AOX1: variants seen among roughly 807,000 people sequenced by gnomAD.
AOX1 encodes the protein aldehyde oxidase.
AOX1 carries 153 observed loss-of-function variants against 169.5 expected under a neutral mutation model. That is an observed-to-expected ratio of 0.90 (90% CI 0.79 to 1.03). The LOEUF is 1.03. Among genes scored for constraint, AOX1 ranks in the 50% least tolerant of loss-of-function variants. The pLI is 0.00. For missense variants in AOX1, 1,656 were observed against 1,663.9 expected (o/e 1.00, Z 0.08); for synonymous variants, 562 against 581.9 (o/e 0.97, Z 0.49).
At chr2:200,641,048 G>T in intron 23 of AOX1, 50 bp from the exon 24 acceptor site, 2 of 1,390,088 alleles carry the variant, frequency 1.4e-6, no homozygotes, top group South Asian at 1.2e-5. Context: ...GACAAAATTT[G>T]GAGAGACTTG....
intron 10 of AOX1, among the ~76,000 whole-genome samples, chr2:200,608,469 C>A (rs1311823389): frequency 6.6e-6 from 1 of 152,092 alleles, no homozygotes; most frequent in African/African-American, 2.4e-5. Context: ...TGATAAGAAG[C>A]AATAGAAATG....
chr2:200,634,164 ATTTTTTTTTTTTTT>A (rs58341876), intron 20 of AOX1, among the ~76,000 whole-genome samples: 4 of 84,968 alleles, frequency 4.7e-5, no homozygotes, highest in African/African-American at 2.0e-4. Flanking sequence ...TTTCTTGAGG[ATTTTTTTTTTTTTT>A]TTTTTTTTTT....
chr2:200,624,854 AC>A (rs1283706536), intron 19 of AOX1, among the ~76,000 whole-genome samples: 1 of 152,118 alleles, frequency 6.6e-6, no homozygotes, highest in African/African-American at 2.4e-5. Flanking sequence ...AATAGATGAG[AC>A]TCAGTCCATA....
At position 200,640,441 on chromosome 2, in the gene AOX1, G is replaced by C. The variant is rs147256198; in HGVS notation, c.2569-657G>C. On this transcript the variant is annotated intron_variant, in intron 23 of 34. Transcript: ENST00000374700. Reference sequence around the variant, plus strand: ...TGCATTCAGACATGAAGCACATGGGGTCTGAGATATGACAGTAAGTTGTAG... The same window carrying C: ...TGCATTCAGACATGAAGCACATGGGCTCTGAGATATGACAGTAAGTTGTAG... Among the ~76,000 whole-genome samples, 4 of 152,290 alleles carry C rather than the reference G, an allele frequency of 2.6e-5. No homozygotes were observed. In the East Asian group the frequency reaches 7.7e-4, roughly 29 times the overall value.
rs2035764402 is a variant in AOX1, at chr2:200,659,342, A to G, written c.3300+49A>G. ...CAAATCATTAACTCCCTCAGGGCCA[A>G]ATACGTGGGTGGGTGGAGCTCCAAA... On this transcript the variant is annotated intron_variant, in intron 28 of 34. Coordinates refer to ENST00000374700, the MANE Select transcript of AOX1 (RefSeq NM_001159.4). 1.0e-5 allele frequency: 16 copies of G among 1,583,254 alleles called. No individual in the cohort carries two copies. In the East Asian group the frequency reaches 3.6e-4, roughly 36 times the overall value.
chr2:200,611,167 G>C (rs1055997620), intron 12 of AOX1, among the ~76,000 whole-genome samples: 1 of 152,136 alleles, frequency 6.6e-6, no homozygotes, highest in Non-Finnish European at 1.5e-5. Context: ...TGTTTTTATC[G>C]ATGAGAAAGC....
chr2:200,638,732 A>G (rs1209875416), intron 23 of AOX1, among the ~76,000 whole-genome samples: 1 of 152,238 alleles, frequency 6.6e-6, no homozygotes, highest in Non-Finnish European at 1.5e-5. Flanking sequence ...ATATTTTTGT[A>G]AAATGAGGTT....
intron 25 of AOX1, among the ~76,000 whole-genome samples, chr2:200,648,563 G>T (rs1041773310): frequency 6.6e-6 from 1 of 152,196 alleles, no homozygotes; most frequent in Non-Finnish European, 1.5e-5. Context: ...GTGCTGGTTG[G>T]CCTCCTACCA....
At chr2:200,595,540 A>G (rs936456492) in intron 3 of AOX1, among the ~76,000 whole-genome samples, 172 bp downstream of exon 3, 2 of 152,228 alleles carry the variant, frequency 1.3e-5, no homozygotes, top group Non-Finnish European at 2.9e-5. Flanking sequence ...TGTTTTGGGA[A>G]AAAAATGTAG....
intron 1 of AOX1, among the ~76,000 whole-genome samples, chr2:200,588,725 G>GTTTTTTTTTTTTTTT (rs1247445142): frequency 2.4e-5 from 1 of 40,886 alleles, no homozygotes; most frequent in African/African-American, 6.9e-5. Flanking sequence ...ACTAGAATAA[G>GTTTTTTTTTTTTTTT]CTTTTTTTTT....
At position 200,599,601 on chromosome 2, in the gene AOX1, A is replaced by G; in HGVS notation, c.310-19A>G. 1 of 1,588,982 alleles carries G rather than the reference A, an allele frequency of 6.3e-7. No homozygotes were observed. Among genetic ancestry groups the G allele is most frequent in the Non-Finnish European group, 8.6e-7 (1 of 1,167,624 alleles). On this transcript the variant is annotated intron_variant, in intron 4 of 34. Coordinates refer to ENST00000374700, the MANE Select transcript of AOX1 (RefSeq NM_001159.4). The stretch of plus-strand genomic sequence containing the variant: ...ATGGGGCCCCAAATTCTGCATTTCT[A>G]ACCTTTCTGTGCTTCCAGGAGAGGA...
At chr2:200,593,283 A>G (rs1290835182) in intron 2 of AOX1, 80 bp downstream of exon 2, 24 of 1,157,654 alleles carry the variant, frequency 2.1e-5, no homozygotes, top group Admixed American at 3.5e-5. Flanking sequence ...GATATTTCAA[A>G]TATACATTAG....
rs201460922 is a variant in AOX1 at position 200,642,786 on chromosome 2, A to T, written c.2832A>T (p.Gly944=). The T allele has an allele frequency of 2.5e-5, 41 of 1,613,530 alleles. No homozygotes were observed. The highest frequency in any genetic ancestry group is 3.4e-5 in the Non-Finnish European group (40 of 1,179,724). Reference sequence around the variant, plus strand: ...TCACGGAAGTTGCAGCCAAATGTGGACTATCCCCTGAGAAGGTAATACTAA... The same window carrying T: ...TCACGGAAGTTGCAGCCAAATGTGGTCTATCCCCTGAGAAGGTAATACTAA... ...SCITEVAAKC[G]LSPEKVRIIN... Residue 944 remains glycine (G), a synonymous_variant, in exon 25 of 35, where the codon GGA becomes GGT. Transcript: ENST00000374700.
At chr2:200,627,762 T>C (rs1395601753) in intron 20 of AOX1, among the ~76,000 whole-genome samples, 4 of 152,168 alleles carry the variant, frequency 2.6e-5, no homozygotes, top group African/African-American at 7.2e-5. Context: ...TATTATTATC[T>C]CAATCTTATA....
intron 5 of AOX1, 39 bp downstream of exon 5, chr2:200,599,785 T>G: frequency 7.4e-7 from 1 of 1,352,800 alleles, no homozygotes. Context: ...TTAATTTTTA[T>G]TTATTTATTT....
At chr2:200,639,100 C>T (rs1044694718) in intron 23 of AOX1, among the ~76,000 whole-genome samples, 10 of 152,156 alleles carry the variant, frequency 6.6e-5, no homozygotes, top group Admixed American at 3.9e-4. Context: ...GCTCCATAGT[C>T]GTATTAGCTA....
intron 3 of AOX1, 119 bp downstream of exon 3, chr2:200,595,487 C>T (rs749409832): frequency 6.0e-5 from 36 of 597,064 alleles, no homozygotes; most frequent in African/African-American, 2.3e-4. Context: ...GGCCACTTGG[C>T]GTACAATGAT....
chr2:200,616,455 C>T (rs1431928049), intron 16 of AOX1, among the ~76,000 whole-genome samples: 1 of 152,224 alleles, frequency 6.6e-6, no homozygotes, highest in East Asian at 1.9e-4. Flanking sequence ...GAGGAAAAGA[C>T]ACAGCCCCTA....
At position 200,613,975 on chromosome 2, in the gene AOX1, C is replaced by G. The variant is rs369648916; in HGVS notation, c.1611+9C>G. Reference sequence around the variant, plus strand: ...AGATTTTGAAAAAGATGGTAAACAACTGTTTACACATTAACTTCCCCAGTA... The same window carrying G: ...AGATTTTGAAAAAGATGGTAAACAAGTGTTTACACATTAACTTCCCCAGTA... On this transcript the variant is annotated intron_variant, in intron 15 of 34. Coordinates refer to ENST00000374700, the MANE Select transcript of AOX1 (RefSeq NM_001159.4). 3.5e-5 allele frequency: 56 copies of G among 1,610,896 alleles called. No individual in the cohort carries two copies. Among genetic ancestry groups the G allele is most frequent in the Middle Eastern group, 2.2e-4 (1 of 4,484 alleles).
Sources: gnomAD v4.1 joint callset for allele counts (sites outside exome capture counted in the v4.1 genomes callset) on GRCh38, gnomAD v4.1.1 for gene constraint, MANE v1.5 for transcripts, NCBI Gene and HGNC (gene_info 2026-07-23, HGNC 2026-07-21) for gene names.